The following PLD5 variants were observed in gnomAD, a reference collection of about 807,000 sequenced individuals.
PLD5 encodes inactive phospholipase D5.
PLD5 carries 36 observed loss-of-function variants against 61.1 expected under a neutral mutation model. The ratio of observed to expected loss-of-function variants is 0.59; its 90% confidence interval spans 0.45 to 0.78. PLD5 has a LOEUF of 0.78. PLD5 is among the 30% of genes least tolerant of loss of function. The probability of loss-of-function intolerance (pLI) is 0.00; values close to 1 mark genes in which losing one functional copy is unlikely to be tolerated. For missense variants in PLD5, 515 were observed against 644.4 expected, an observed-to-expected ratio of 0.80 and a Z score of 2.17; for synonymous variants, 243 against 242.8, an observed-to-expected ratio of 1.00 and a Z score of -0.01.
chr1:242,190,112 T>G (rs1485091325), intron 5 of PLD5, among the ~76,000 whole-genome samples: 1 of 150,118 alleles, frequency 6.7e-6, no homozygotes, highest in African/African-American at 2.4e-5. Flanking sequence ...CCCTCGGACC[T>G]TATCTGTATT....
At chr1:242,429,667 A>G (rs2102886368) in intron 1 of PLD5, among the ~76,000 whole-genome samples, 1 of 152,344 alleles carries the variant, frequency 6.6e-6, no homozygotes, top group South Asian at 2.1e-4. Flanking sequence ...TCTTATCATG[A>G]GTACATTCCC....
chr1:242,089,668 G>A lies in PLD5; in HGVS notation c.*186C>T, dbSNP rs541569833. 3 of 694,808 alleles carry A rather than the reference G, an allele frequency of 4.3e-6. No homozygotes were observed. In the South Asian group the frequency reaches 7.2e-5, roughly 17 times the overall value. The allele number at this position is 694,808 out of a possible 1,614,324, so 43.0% of individuals were successfully genotyped here. On this transcript the variant is annotated 3_prime_UTR_variant, in exon 10 of 10. Coordinates refer to ENST00000536534, the MANE Select transcript of PLD5 (RefSeq NM_001372062.1). ...TCTGTCAGAGGTAACAAATACAAAA[G>A]TCTTAATTTTAGTGTACACGACGCT...
intron 7 of PLD5, among the ~76,000 whole-genome samples, chr1:242,110,679 A>G (rs886243294): frequency 6.6e-6 from 1 of 152,006 alleles, no homozygotes; most frequent in Non-Finnish European, 1.5e-5. Context: ...GTGTGGTGGC[A>G]TGTGCCTGCA....
chr1:242,383,628 A>G (rs772551027), intron 1 of PLD5, among the ~76,000 whole-genome samples: 3 of 152,082 alleles, frequency 2.0e-5, no homozygotes, highest in Non-Finnish European at 4.4e-5. Context: ...GTTTTTATAA[A>G]TACAAAATCT....
At chr1:242,445,372 TG>T (rs1243568345) in intron 1 of PLD5, among the ~76,000 whole-genome samples, 4 of 152,092 alleles carry the variant, frequency 2.6e-5, no homozygotes, top group African/African-American at 9.7e-5. Context: ...GACAGAGTCT[TG>T]CTCTGTCCTC....
intron 5 of PLD5, chr1:242,147,600 T>A (rs1230891256): frequency 6.6e-6 from 1 of 152,206 alleles, no homozygotes; most frequent in African/African-American, 2.4e-5. Flanking sequence ...ACTTTTCCAG[T>A]GTGTCTGCAC....
rs1574535615 is a variant in PLD5, at chr1:242,215,404, T to C, written c.735+4584A>G. Among the ~76,000 whole-genome samples, 17 of 152,162 alleles carry C rather than the reference T, an allele frequency of 1.1e-4. 1 individual carries two copies. In the South Asian group the frequency reaches 3.5e-3, roughly 32 times the overall value. On this transcript the variant is annotated intron_variant, in intron 5 of 9. Transcript: ENST00000536534. ...TGCTCAAAAAACAAAAAGGGGGGAA[T>C]ATGGGTAAAGACCCGGCAACACTAT...
chr1:242,311,811 T>C (rs1214878408), intron 2 of PLD5, among the ~76,000 whole-genome samples: 1 of 152,162 alleles, frequency 6.6e-6, no homozygotes, highest in Non-Finnish European at 1.5e-5. Flanking sequence ...CTGGACTCTT[T>C]CTCTCTTCTT....
chr1:242,102,851 A>T (rs1048494439), intron 8 of PLD5, among the ~76,000 whole-genome samples: 2 of 150,570 alleles, frequency 1.3e-5, no homozygotes, highest in South Asian at 2.1e-4. Context: ...TTAGTTTATT[A>T]AAAAAAAAGT....
intron 4 of PLD5, 116 bp downstream of exon 4, chr1:242,265,221 C>CTATG: frequency 7.7e-7 from 1 of 1,291,508 alleles, no homozygotes; most frequent in Non-Finnish European, 1.0e-6. Context: ...TGTAAATGTA[C>CTATG]TATGTACTAA....
intron 1 of PLD5, among the ~76,000 whole-genome samples, chr1:242,494,089 C>T (rs1310569728): frequency 1.4e-4 from 16 of 113,116 alleles, no homozygotes; most frequent in African/African-American, 6.5e-4. Flanking sequence ...CCCTGCCCTC[C>T]CTTCCCCTCT....
intron 1 of PLD5, among the ~76,000 whole-genome samples, chr1:242,432,942 G>C (rs1665797278): frequency 6.6e-6 from 1 of 152,188 alleles, no homozygotes; most frequent in South Asian, 2.1e-4. Context: ...AATCCTGCCA[G>C]CTTGACATGG....
chr1:242,449,846 C>A (rs71652411), intron 1 of PLD5, among the ~76,000 whole-genome samples: 6,696 of 152,234 alleles, frequency 0.044, 190 homozygotes, highest in Admixed American at 0.085. Context: ...TAGACAAAGA[C>A]GAGCGAAGAG....
At chr1:242,414,143 G>A (rs1664700468) in intron 1 of PLD5, among the ~76,000 whole-genome samples, 2 of 152,142 alleles carry the variant, frequency 1.3e-5, no homozygotes, top group South Asian at 4.1e-4. Flanking sequence ...AAGGCTTTGA[G>A]AAATAATTAG....
intron 5 of PLD5, among the ~76,000 whole-genome samples, chr1:242,202,032 T>G (rs752449396): frequency 6.6e-5 from 10 of 152,010 alleles, no homozygotes; most frequent in Non-Finnish European, 1.2e-4. Context: ...CTGGCCAACA[T>G]GGTGAAACCC....
At chr1:242,459,228 A>G (rs1309202269) in intron 1 of PLD5, among the ~76,000 whole-genome samples, 3 of 152,242 alleles carry the variant, frequency 2.0e-5, no homozygotes, top group Non-Finnish European at 4.4e-5. Context: ...TCTGTTCACA[A>G]TTGGGAATCA....
chr1:242,197,638 T>G (rs1231926938), intron 5 of PLD5, among the ~76,000 whole-genome samples: 7 of 151,178 alleles, frequency 4.6e-5, no homozygotes, highest in Non-Finnish European at 8.9e-5. Flanking sequence ...GCACACTTTT[T>G]TTTTTTTTTT....
intron 2 of PLD5, among the ~76,000 whole-genome samples, chr1:242,311,903 CTCTTT>C (rs1395789900): frequency 9.0e-6 from 1 of 110,906 alleles, no homozygotes; most frequent in Non-Finnish European, 1.8e-5. Flanking sequence ...TTTTGTTATT[CTCTTT>C]TCTTTTTATT....
chr1:242,454,435 TTC>T (rs1233272174), intron 1 of PLD5, among the ~76,000 whole-genome samples: 1 of 152,060 alleles, frequency 6.6e-6, no homozygotes, highest in African/African-American at 2.4e-5. Context: ...TTTCAAAGGT[TTC>T]TGTTTCAATA....
Sources: allele counts gnomAD v4.1 joint callset (sites outside exome capture counted in the v4.1 genomes callset), GRCh38; gene constraint gnomAD v4.1.1; transcripts MANE v1.5; gene names NCBI Gene and HGNC (gene_info 2026-07-23, HGNC 2026-07-21).